CFAP161: variants seen among roughly 807,000 people sequenced by gnomAD.
CFAP161 encodes the protein cilia- and flagella-associated protein 161.
In CFAP161, 25 loss-of-function variants were observed where a neutral mutation model predicts 29.0. That is an observed-to-expected ratio of 0.86 (90% CI 0.63 to 1.20). CFAP161 has a LOEUF of 1.20. Among genes scored for constraint, CFAP161 ranks in the 50% most tolerant of loss-of-function variants. The pLI, the probability that CFAP161 is intolerant of heterozygous loss-of-function variation, is 0.00. For missense variants in CFAP161, 367 were observed against 371.9 expected, an observed-to-expected ratio of 0.99 and a Z score of 0.11; for synonymous variants, 116 against 137.4, an observed-to-expected ratio of 0.84 and a Z score of 1.09.
chr15:81,128,507 C>T (rs1266138907), intron 2 of CFAP161, among the ~76,000 whole-genome samples: 1 of 152,212 alleles, frequency 6.6e-6, no homozygotes, highest in Non-Finnish European at 1.5e-5. Flanking sequence ...TTTAATTCTT[C>T]CCAAGAGTGA....
intron 1 of CFAP161, among the ~76,000 whole-genome samples, chr15:81,108,515 G>C (rs935044496): frequency 2.0e-5 from 3 of 152,100 alleles, no homozygotes; most frequent in African/African-American, 7.2e-5. Context: ...TGGTCCTCAA[G>C]GGTTTGGACC....
chr15:81,111,355 A>G (rs1209751431), intron 1 of CFAP161, among the ~76,000 whole-genome samples: 1 of 152,170 alleles, frequency 6.6e-6, no homozygotes, highest in Non-Finnish European at 1.5e-5. Context: ...TTTTTCCAAG[A>G]CCTGACAATA....
intron 4 of CFAP161, among the ~76,000 whole-genome samples, chr15:81,138,804 T>A (rs11072989): frequency 0.41 from 62,060 of 151,924 alleles, 13,699 homozygotes; most frequent in East Asian, 0.75. Flanking sequence ...TCCCCCAAAC[T>A]TGCCTTTGAG....
At chr15:81,136,019 C>A (rs1181213844) in intron 2 of CFAP161, among the ~76,000 whole-genome samples, 1 of 152,096 alleles carries the variant, frequency 6.6e-6, no homozygotes, top group Non-Finnish European at 1.5e-5. Flanking sequence ...ACATTGTTTT[C>A]AAAATTCTGT....
intron 5 of CFAP161, 83 bp downstream of exon 5, chr15:81,143,903 A>G: frequency 7.0e-7 from 1 of 1,425,246 alleles, no homozygotes. Context: ...ACAGACTTAT[A>G]GCTCAAATGC....
intron 5 of CFAP161, among the ~76,000 whole-genome samples, chr15:81,147,107 G>A (rs558964667): frequency 3.9e-4 from 59 of 151,570 alleles, no homozygotes; most frequent in African/African-American, 1.3e-3. Context: ...TTCATCTTAC[G>A]TAAAAATGCA....
upstream of CFAP161, among the ~76,000 whole-genome samples, chr15:81,130,997 T>C (rs907187682): frequency 2.0e-5 from 3 of 152,032 alleles, no homozygotes; most frequent in Admixed American, 6.6e-5. Context: ...ATCACCATAA[T>C]AGATATAATA....
intron 6 of CFAP161, 54 bp downstream of exon 6, chr15:81,147,985 A>G: frequency 7.0e-7 from 1 of 1,419,420 alleles, no homozygotes; most frequent in African/African-American, 1.4e-5. Flanking sequence ...GGGGCCATGA[A>G]TATAAGCAAA....
intron 1 of CFAP161, chr15:81,099,660 G>C (rs1203026592): frequency 6.6e-6 from 1 of 152,176 alleles, no homozygotes; most frequent in Non-Finnish European, 1.5e-5. Flanking sequence ...CCAACATGCA[G>C]GGTTGTCTGT....
chr15:81,142,837 T>C (rs1314940930), intron 4 of CFAP161, among the ~76,000 whole-genome samples: 1 of 152,158 alleles, frequency 6.6e-6, no homozygotes, highest in East Asian at 1.9e-4. Context: ...ATGGGGGTTG[T>C]TTCCTGGCAA....
chr15:81,143,871 A>T (rs750741332), intron 5 of CFAP161, 51 bp downstream of exon 5: 1 of 1,573,010 alleles, frequency 6.4e-7, no homozygotes, highest in East Asian at 2.3e-5. Flanking sequence ...AAATGGATGC[A>T]ATTTATTCCT....
At chr15:81,099,916 T>G (rs1387949530) in intron 1 of CFAP161, among the ~76,000 whole-genome samples, 1 of 152,210 alleles carries the variant, frequency 6.6e-6, no homozygotes, top group East Asian at 1.9e-4. Flanking sequence ...AAGGTTTTTT[T>G]TCCCTATATT....
intron 1 of CFAP161, among the ~76,000 whole-genome samples, chr15:81,116,396 T>C (rs8032733): frequency 0.077 from 11,786 of 152,256 alleles, 1,278 homozygotes; most frequent in African/African-American, 0.24. Context: ...TGGGTTCAAG[T>C]GATTCTCCTG....
intron 1 of CFAP161, among the ~76,000 whole-genome samples, chr15:81,126,999 G>A (rs778703029): frequency 1.1e-4 from 17 of 152,242 alleles, no homozygotes; most frequent in Admixed American, 2.6e-4. Context: ...AATAAAGACC[G>A]TTCGAACTCT....
In CFAP161 at chr15:81,148,986, CT is replaced by C. The variant is rs1224419296; in HGVS notation, c.*456del. The C allele has an allele frequency of 1.3e-5, 2 of 152,520 alleles. No homozygotes were observed. Among genetic ancestry groups the C allele is most frequent in the Admixed American group, 6.5e-5 (1 of 15,290 alleles). The allele number at this position is 152,520 out of a possible 1,614,324, so 9.4% of individuals were successfully genotyped here. The stretch of plus-strand genomic sequence containing the variant: ...TTACCTTGGAATTAAACATTTCCAC[CT>C]TTGTAAAACATCCTATTTTTGTTTC... On this transcript the variant is annotated 3_prime_UTR_variant, in exon 7 of 7. Transcript: ENST00000286732.
At chr15:81,121,873 C>T (rs954764844) in intron 1 of CFAP161, among the ~76,000 whole-genome samples, 1 of 152,180 alleles carries the variant, frequency 6.6e-6, no homozygotes, top group Non-Finnish European at 1.5e-5. Flanking sequence ...TCCCACCTTC[C>T]ACCTTCTGAA....
intron 1 of CFAP161, among the ~76,000 whole-genome samples, chr15:81,123,121 T>C (rs1019612332): frequency 6.6e-6 from 1 of 152,226 alleles, no homozygotes; most frequent in Non-Finnish European, 1.5e-5. Flanking sequence ...CCCATGCCAA[T>C]GTCCTGAATG....
At chr15:81,099,920 C>T (rs1016958922) in intron 1 of CFAP161, among the ~76,000 whole-genome samples, 1 of 151,890 alleles carries the variant, frequency 6.6e-6, no homozygotes, top group African/African-American at 2.4e-5. Flanking sequence ...TTTTTTTTCC[C>T]TATATTTATA....
At chr15:81,129,162 A>G (rs1567155245) in intron 2 of CFAP161, among the ~76,000 whole-genome samples, 1 of 151,926 alleles carries the variant, frequency 6.6e-6, no homozygotes, top group African/African-American at 2.4e-5. Context: ...TTTTCTAAGC[A>G]GTAGATCTCA....
Sources: allele counts gnomAD v4.1 joint callset (sites outside exome capture counted in the v4.1 genomes callset), GRCh38; gene constraint gnomAD v4.1.1; transcripts MANE v1.5; gene names NCBI Gene and HGNC (gene_info 2026-07-23, HGNC 2026-07-21).